DCAF8L2: variants seen among roughly 807,000 people sequenced by gnomAD.
The protein encoded by DCAF8L2 is DDB1- and CUL4-associated factor 8-like protein 2.
For synonymous variants in DCAF8L2, 200 were observed against 190.9 expected (o/e 1.05, Z -0.39); for missense variants, 430 against 490.7 (o/e 0.88, Z 1.17).
chrX:27,723,473 A>G (rs1228534767), intron 4 of DCAF8L2, among the ~76,000 whole-genome samples: 3 of 111,524 alleles, frequency 2.7e-5, no homozygotes, highest in Non-Finnish European at 3.8e-5. Context: ...ATTTTAAAAT[A>G]GAAAATGATT....
the DCAF8L2 span, among the ~76,000 whole-genome samples, chrX:27,549,747 A>T: frequency 2.7e-5 from 3 of 111,588 alleles, no homozygotes; most frequent in Admixed American, 9.5e-5. Flanking sequence ...GGCTGCTGTC[A>T]TAAACCGCTC....
chrX:27,550,360 T>C, the DCAF8L2 span, among the ~76,000 whole-genome samples: 6 of 111,523 alleles, frequency 5.4e-5, no homozygotes, highest in Non-Finnish European at 1.1e-4. Flanking sequence ...GTAGTTAGCA[T>C]GTCCATCACC....
chrX:27,489,443 C>G, the DCAF8L2 span, among the ~76,000 whole-genome samples: 1 of 111,925 alleles, frequency 8.9e-6, no homozygotes, highest in Non-Finnish European at 1.9e-5. Context: ...TAGAGCTGCT[C>G]AATTCCGTTG....
At chrX:27,644,311 C>T (rs1398680370) in intron 2 of DCAF8L2, among the ~76,000 whole-genome samples, 1 of 111,772 alleles carries the variant, frequency 8.9e-6, no homozygotes, top group African/African-American at 3.3e-5. Flanking sequence ...TTGACAGTAG[C>T]AACAGTTTTC....
At chrX:27,709,964 T>C (rs1602762067) in intron 3 of DCAF8L2, among the ~76,000 whole-genome samples, 1 of 61,477 alleles carries the variant, frequency 1.6e-5, no homozygotes, top group Non-Finnish European at 4.3e-5. Context: ...TTTTTCTAGG[T>C]TTTTTTTATT....
At chrX:27,658,901 C>T (rs1412841768) in intron 2 of DCAF8L2, among the ~76,000 whole-genome samples, 2 of 92,625 alleles carry the variant, frequency 2.2e-5, no homozygotes, top group Non-Finnish European at 4.1e-5. Flanking sequence ...TTAATTCTAA[C>T]CGTTTCCTCA....
At chrX:27,676,082 C>G (rs16987963) in intron 2 of DCAF8L2, among the ~76,000 whole-genome samples, 10,439 of 111,092 alleles carry the variant, frequency 0.094, 1,188 homozygotes, top group African/African-American at 0.32. Flanking sequence ...GTTTATCACC[C>G]CATTTCTAAT....
intron 2 of DCAF8L2, among the ~76,000 whole-genome samples, chrX:27,666,213 C>A (rs1326588685): frequency 8.9e-6 from 1 of 111,880 alleles, no homozygotes; most frequent in Non-Finnish European, 1.9e-5. Flanking sequence ...AAATAAGAAA[C>A]CAGTCTTTTC....
At chrX:27,662,320 T>G (rs1929586813) in intron 2 of DCAF8L2, among the ~76,000 whole-genome samples, 1 of 111,447 alleles carries the variant, frequency 9.0e-6, no homozygotes, top group Non-Finnish European at 1.9e-5. Context: ...TATTTATTCT[T>G]AGGAAGAATA....
chrX:27,619,054 C>G (rs867554914), intron 1 of DCAF8L2, among the ~76,000 whole-genome samples: 4 of 104,432 alleles, frequency 3.8e-5, no homozygotes, highest in Non-Finnish European at 7.8e-5. Flanking sequence ...TATCTTATAT[C>G]TATCTATCTA....
chrX:27,744,074 C>G (rs1436626691), intron 4 of DCAF8L2, among the ~76,000 whole-genome samples: 1 of 111,181 alleles, frequency 9.0e-6, no homozygotes, highest in African/African-American at 3.3e-5. Context: ...ATCTTCAAGT[C>G]CAACCTATGA....
the DCAF8L2 span, among the ~76,000 whole-genome samples, chrX:27,478,680 A>C: frequency 2.7e-5 from 3 of 112,214 alleles, no homozygotes; most frequent in Non-Finnish European, 5.6e-5. Context: ...CAAGATATAT[A>C]GAGAACTTAG....
intron 2 of DCAF8L2, among the ~76,000 whole-genome samples, chrX:27,636,778 GA>G (rs151036596): frequency 1.8e-5 from 2 of 111,651 alleles, no homozygotes; most frequent in South Asian, 3.7e-4. Context: ...TAATGTTGCA[GA>G]AAAAAAATCT....
the DCAF8L2 span, among the ~76,000 whole-genome samples, chrX:27,560,334 T>G: frequency 9.0e-6 from 1 of 111,088 alleles, no homozygotes; most frequent in Admixed American, 9.6e-5. Flanking sequence ...GGATTTTTCT[T>G]TACCCCTGTC....
chrX:27,720,740 A>G (rs934799223), intron 4 of DCAF8L2, among the ~76,000 whole-genome samples: 58 of 111,867 alleles, frequency 5.2e-4, no homozygotes, highest in Non-Finnish European at 1.0e-3. Flanking sequence ...CATTAAATCT[A>G]TAGATCAATT....
intron 4 of DCAF8L2, among the ~76,000 whole-genome samples, chrX:27,744,756 C>T (rs73536117): frequency 0.055 from 6,123 of 110,751 alleles, 420 homozygotes; most frequent in African/African-American, 0.19. Context: ...TATTAGTTCT[C>T]ACAAGATGTG....
At chrX:27,695,308 A>T (rs1383769676) in intron 3 of DCAF8L2, among the ~76,000 whole-genome samples, 3 of 112,617 alleles carry the variant, frequency 2.7e-5, no homozygotes, top group Non-Finnish European at 5.6e-5. Flanking sequence ...TTATGGTAAT[A>T]TATAAGAATT....
chrX:27,589,070 T>C (rs1438231530), upstream of DCAF8L2, among the ~76,000 whole-genome samples: 1 of 107,064 alleles, frequency 9.3e-6, no homozygotes. Context: ...ATGAAAGAAA[T>C]TACCTCAATC....
In DCAF8L2 at chrX:27,590,436, C is replaced by T. The variant is rs1926017429; in HGVS notation, c.-346C>T. The T allele has an allele frequency of 9.0e-6, 1 of 111,430 alleles. No individual in the cohort carries two copies. Among genetic ancestry groups the T allele is most frequent in the Non-Finnish European group, 1.9e-5 (1 of 53,129 alleles). 9.2% of individuals were successfully genotyped at this position (111,430 alleles called of 1,213,427 possible). On this transcript the variant is annotated 5_prime_UTR_variant, in exon 1 of 5. Transcript: ENST00000451261. ...GCAGAGGAAGGCGAATGACTCGAGT[C>T]TATGGTATGTAATCAATATTTTGAT...
Sources: gnomAD v4.1 joint callset for allele counts (sites outside exome capture counted in the v4.1 genomes callset) on GRCh38, gnomAD v4.1.1 for gene constraint, MANE v1.5 for transcripts, NCBI Gene and HGNC (gene_info 2026-07-23, HGNC 2026-07-21) for gene names.